SEC14L3: variants seen among roughly 807,000 people sequenced by gnomAD.
SEC14L3 encodes SEC14-like protein 3.
Under a neutral mutation model 57.4 loss-of-function variants are expected in SEC14L3, and 56 were observed. The ratio of observed to expected loss-of-function variants is 0.97; its 90% CI spans 0.79 to 1.22. SEC14L3 has a LOEUF of 1.22. Ranked by LOEUF, SEC14L3 falls within the 50% of genes most tolerant of loss-of-function variation. The pLI, the probability that SEC14L3 is intolerant of heterozygous loss-of-function variation, is 0.00. For missense variants in SEC14L3, 485 were observed against 511.7 expected, an observed-to-expected ratio of 0.95 and a Z score of 0.50; for synonymous variants, 173 against 194.4, an observed-to-expected ratio of 0.89 and a Z score of 0.92.
chr22:30,456,563 A>C (rs1226678434), downstream of SEC14L3, among the ~76,000 whole-genome samples: 2 of 152,210 alleles, frequency 1.3e-5, no homozygotes, highest in Non-Finnish European at 1.5e-5. Context: ...GCAATTGTAG[A>C]ATAAGAACTC....
At chr22:30,458,117 G>A (rs1158900605), downstream of SEC14L3, among the ~76,000 whole-genome samples, 1 of 152,196 alleles carries the variant, frequency 6.6e-6, no homozygotes, top group Admixed American at 6.6e-5. Context: ...CCAGCCTTTG[G>A]TTCCCATTCA....
downstream of SEC14L3, among the ~76,000 whole-genome samples, chr22:30,456,024 T>C (rs940385147): frequency 1.3e-5 from 2 of 152,110 alleles, no homozygotes; most frequent in African/African-American, 4.8e-5. Flanking sequence ...AAAGGAATAT[T>C]GGGCCAGGTA....
In SEC14L3 at chr22:30,471,797, T is replaced by C. The variant is rs1935620559; in HGVS notation, c.54+108A>G. 7 of 1,495,106 alleles carry C rather than the reference T, an allele frequency of 4.7e-6. No homozygotes were observed. The South Asian group carries it at 6.8e-5, about 15-fold the overall frequency. 92.6% of individuals were successfully genotyped at this position (1,495,106 alleles called of 1,614,324 possible). ...GGGAGGTAACACCAAAGAGACAATG[T>C]CAAGGACATGCTGAATCAACTGAGT... On this transcript the variant is annotated intron_variant, in intron 1 of 11. Transcript: ENST00000215812.
intron 6 of SEC14L3, 60 bp from the exon 7 acceptor site, chr22:30,466,454 C>G: frequency 6.2e-7 from 1 of 1,612,388 alleles, no homozygotes; most frequent in Non-Finnish European, 8.5e-7. Context: ...ACCTCCATCT[C>G]CTGTGCAATC....
chr22:30,467,247 A>ACATCCATCCATCCATCCATCCATCCATC (rs151165173), intron 5 of SEC14L3, 170 bp from the exon 6 acceptor site: 1 of 252,076 alleles, frequency 4.0e-6, no homozygotes, highest in Non-Finnish European at 6.0e-6. Context: ...CCATCCATCC[A>ACATCCATCCATCCATCCATCCATCCATC]CATCCATCCA....
chr22:30,459,865 C>T lies in SEC14L3; in HGVS notation c.*156G>A, dbSNP rs1423381430. On this transcript the variant is annotated 3_prime_UTR_variant, in exon 12 of 12. Transcript: ENST00000215812. ...GCCTCTCATACCTTTCTTGATCTGA[C>T]CACAGTAGATGAGTTTTCCCCAGGG... 7.1e-7 allele frequency: 1 copy of T among 1,402,782 alleles called. No individual in the cohort carries two copies. Among genetic ancestry groups the T allele is most frequent in the Admixed American group, 2.8e-5 (1 of 36,122 alleles). The allele number at this position is 1,402,782 out of a possible 1,614,324, so 86.9% of individuals were successfully genotyped here. A position where few individuals can be genotyped will look rare whatever the true frequency, so the allele number is the denominator to read the frequency against.
rs1180579075 is a variant in SEC14L3, at chr22:30,470,307, T to C, written c.131-52A>G. On this transcript the variant is annotated intron_variant, in intron 2 of 11. Coordinates refer to ENST00000215812, the MANE Select transcript of SEC14L3 (RefSeq NM_174975.5). Reference sequence around the variant, plus strand: ...AGACAGGAAAGATGCCTTGTCTTACTCCTGGCCAGTGGGAGCTATGGAGGA... The same window carrying C: ...AGACAGGAAAGATGCCTTGTCTTACCCCTGGCCAGTGGGAGCTATGGAGGA... The C allele has an allele frequency of 2.5e-6, 4 of 1,602,074 alleles. 1 individual carries two copies. The South Asian group carries it at 4.5e-5, about 18-fold the overall frequency.
In SEC14L3 at chr22:30,466,317, A is replaced by G. The variant is rs1380980743; in HGVS notation, c.580+17T>C. The stretch of plus-strand genomic sequence containing the variant: ...AGGAAACAGAGGCACAAGTAAGTGA[A>G]GTCATTTGTCACATACCTTTCACGA... On this transcript the variant is annotated intron_variant, in intron 7 of 11. Coordinates refer to ENST00000215812, the MANE Select transcript of SEC14L3 (RefSeq NM_174975.5). 5 of 1,609,558 alleles carry G rather than the reference A, an allele frequency of 3.1e-6. No individual in the cohort carries two copies. The highest frequency in any genetic ancestry group is 4.3e-6 in the Non-Finnish European group (5 of 1,176,158).
At chr22:30,469,939 G>C (rs1306685103) in intron 4 of SEC14L3, 80 bp downstream of exon 4, 1 of 1,094,742 alleles carries the variant, frequency 9.1e-7, no homozygotes, top group Non-Finnish European at 1.3e-6. Context: ...TCTCAGGCTT[G>C]CTGCCCCTCA....
chr22:30,468,561 T>G lies in SEC14L3; in HGVS notation c.370A>C (p.Lys124Gln), dbSNP rs1488912205. 6.2e-7 allele frequency: 1 copy of G among 1,613,804 alleles called. No homozygotes were observed. Among genetic ancestry groups the G allele is most frequent in the Non-Finnish European group, 8.5e-7 (1 of 1,179,982 alleles). ...AGGATGCGCTCACAGTCCCTCATCT[T>G]GGTCTTGAGCAGGTCCTGCTTGGTG... The part of the protein sequence containing the change: ...SVTKQDLLKT[K>Q]MRDCERILHE... Residue 124 changes from lysine (K) to glutamine (Q), a missense_variant, in exon 5 of 12, where the codon AAG (lysine) becomes CAG (glutamine). By Grantham distance (53) the Lys-to-Gln change is moderately conservative (BLOSUM62 1). Coordinates refer to ENST00000215812, the MANE Select transcript of SEC14L3 (RefSeq NM_174975.5).
At chr22:30,456,271 C>T (rs1391234115), downstream of SEC14L3, among the ~76,000 whole-genome samples, 1 of 144,156 alleles carries the variant, frequency 6.9e-6, no homozygotes, top group African/African-American at 2.6e-5. Flanking sequence ...TGCATTCCTG[C>T]CTGGGCGACA....
intron 4 of SEC14L3, 43 bp downstream of exon 4, chr22:30,469,976 G>C: frequency 7.0e-7 from 1 of 1,434,536 alleles, no homozygotes. Context: ...ACCTTGAGTG[G>C]TACGTCCGTG....
chr22:30,452,246 C>CTTTTTT (rs750537241), intron 12 of SEC14L3, among the ~76,000 whole-genome samples: 2 of 90,026 alleles, frequency 2.2e-5, no homozygotes, highest in African/African-American at 4.8e-5. Flanking sequence ...TTCTTTCTTT[C>CTTTTTT]TTTTTTTTTT....
At chr22:30,455,160 A>T (rs190307594), downstream of SEC14L3, among the ~76,000 whole-genome samples, 3 of 98,408 alleles carry the variant, frequency 3.0e-5, no homozygotes, top group Non-Finnish European at 5.6e-5. Flanking sequence ...ATTATATTTA[A>T]TATTTAATAT....
chr22:30,470,415 G>A, intron 2 of SEC14L3, 92 bp downstream of exon 2: 2 of 1,603,830 alleles, frequency 1.2e-6, no homozygotes, highest in Non-Finnish European at 1.7e-6. Context: ...TTGTGTGGAT[G>A]GACCCTGAGA....
At chr22:30,457,686 CTTT>C (rs61332192), downstream of SEC14L3, among the ~76,000 whole-genome samples, 2 of 146,072 alleles carry the variant, frequency 1.4e-5, no homozygotes, top group African/African-American at 2.5e-5. Flanking sequence ...CCTGGCCATG[CTTT>C]TTTTTTTTTT....
In SEC14L3 at chr22:30,459,942, A is replaced by G. The variant is rs1348298699; in HGVS notation, c.*79T>C. On this transcript the variant is annotated 3_prime_UTR_variant, in exon 12 of 12. Transcript: ENST00000215812. ...ACAGAGTCAGGAGGACTAACAATCA[A>G]TTTCAGGGAGGGAGGGAGTGTAGGA... is the stretch of plus-strand genomic sequence containing the variant. 7.7e-6 allele frequency: 12 copies of G among 1,552,178 alleles called. No individual in the cohort carries two copies. The East Asian group carries it at 2.7e-4, about 35-fold the overall frequency.
chr22:30,460,202 C>T, intron 11 of SEC14L3, 60 bp from the exon 12 acceptor site: 1 of 1,588,488 alleles, frequency 6.3e-7, no homozygotes, highest in Non-Finnish European at 8.6e-7. Context: ...TTTTTCCACC[C>T]CTGGCCATGG....
intron 8 of SEC14L3, 149 bp downstream of exon 8, chr22:30,464,671 T>A: frequency 4.2e-6 from 3 of 721,560 alleles, no homozygotes; most frequent in Non-Finnish European, 4.9e-6. Flanking sequence ...TATCAAGCAA[T>A]CCTCCTGCCT....
Sources: allele counts gnomAD v4.1 joint callset (sites outside exome capture counted in the v4.1 genomes callset), GRCh38; gene constraint gnomAD v4.1.1; transcripts MANE v1.5; gene names NCBI Gene and HGNC (gene_info 2026-07-23, HGNC 2026-07-21).